The following MTUS2 variants were observed in gnomAD, a reference collection of about 807,000 sequenced individuals.
The protein encoded by MTUS2 is microtubule associated scaffold protein 2.
A neutral mutation model predicts 114.1 loss-of-function variants in MTUS2; 40 were observed. The ratio of observed to expected loss-of-function variants is 0.35; its 90% CI spans 0.27 to 0.46. The LOEUF is 0.46. MTUS2 is among the 20% of genes least tolerant of loss of function. MTUS2 has a pLI of 1.00. For missense variants in MTUS2, 1,679 were observed against 1,705.4 expected (o/e 0.98, Z 0.27); for synonymous variants, 688 against 672.0 (o/e 1.02, Z -0.37).
At chr13:29,137,357 C>CT (rs1892022588) in intron 5 of MTUS2, among the ~76,000 whole-genome samples, 1 of 152,100 alleles carries the variant, frequency 6.6e-6, no homozygotes, top group Admixed American at 6.6e-5. Flanking sequence ...CGTGCTCATC[C>CT]TATCTCCCTG....
chr13:29,063,873 A>G (rs1888533064), intron 4 of MTUS2, among the ~76,000 whole-genome samples: 1 of 152,186 alleles, frequency 6.6e-6, no homozygotes, highest in South Asian at 2.1e-4. Flanking sequence ...TTTGTATTAG[A>G]TGACTAGTTT....
chr13:28,842,113 A>G (rs1875548859), intron 2 of MTUS2, among the ~76,000 whole-genome samples: 1 of 152,186 alleles, frequency 6.6e-6, no homozygotes, highest in Non-Finnish European at 1.5e-5. Flanking sequence ...CATTCATGAG[A>G]TTTAGTGCAA....
intron 7 of MTUS2, among the ~76,000 whole-genome samples, chr13:29,345,654 A>C (rs895085795): frequency 6.6e-6 from 1 of 151,894 alleles, no homozygotes; most frequent in Non-Finnish European, 1.5e-5. Flanking sequence ...TTTTTCTGGC[A>C]ATTCAGAGAT....
At chr13:29,318,556 C>A (rs758327322) in intron 6 of MTUS2, among the ~76,000 whole-genome samples, 2 of 152,228 alleles carry the variant, frequency 1.3e-5, no homozygotes, top group South Asian at 4.2e-4. Flanking sequence ...TGAGCCATCA[C>A]TCTTGATTGG....
chr13:28,952,015 GA>G (rs1882833941), intron 2 of MTUS2, among the ~76,000 whole-genome samples: 1 of 152,038 alleles, frequency 6.6e-6, no homozygotes, highest in Admixed American at 6.5e-5. Flanking sequence ...TCTTTGTGTG[GA>G]AGTGCACCAG....
At chr13:29,113,228 G>A (rs919108783) in intron 5 of MTUS2, among the ~76,000 whole-genome samples, 38 of 152,138 alleles carry the variant, frequency 2.5e-4, no homozygotes, top group African/African-American at 6.8e-4. Context: ...GTTGAAGAGG[G>A]ATGTATGCAG....
At chr13:29,090,832 G>GCC (rs974850307) in intron 4 of MTUS2, among the ~76,000 whole-genome samples, 21 of 152,214 alleles carry the variant, frequency 1.4e-4, no homozygotes, top group African/African-American at 4.6e-4. Flanking sequence ...CTCCACTGCA[G>GCC]CCATTCCCAT....
At chr13:28,852,388 C>G (rs996881463) in intron 2 of MTUS2, among the ~76,000 whole-genome samples, 5 of 152,012 alleles carry the variant, frequency 3.3e-5, no homozygotes, top group African/African-American at 1.2e-4. Context: ...ACAGGAGGCA[C>G]TCATTAAATA....
At chr13:29,057,314 T>C (rs1888181580) in intron 4 of MTUS2, among the ~76,000 whole-genome samples, 1 of 152,138 alleles carries the variant, frequency 6.6e-6, no homozygotes, top group African/African-American at 2.4e-5. Flanking sequence ...TTAGGCCCAT[T>C]CAGTCAAATA....
At chr13:29,234,905 A>G (rs533426426) in intron 5 of MTUS2, among the ~76,000 whole-genome samples, 218 of 152,122 alleles carry the variant, frequency 1.4e-3, no homozygotes, top group African/African-American at 5.0e-3. Context: ...TTTATATACA[A>G]GTTTTTATTT....
chr13:29,099,852 C>G (rs1156270605), intron 4 of MTUS2, among the ~76,000 whole-genome samples: 1 of 152,142 alleles, frequency 6.6e-6, no homozygotes, highest in African/African-American at 2.4e-5. Flanking sequence ...TGCTGAGCGC[C>G]TTCTCATAGT....
intron 2 of MTUS2, among the ~76,000 whole-genome samples, chr13:28,941,109 C>A (rs1049851901): frequency 6.6e-6 from 1 of 151,686 alleles, no homozygotes; most frequent in Non-Finnish European, 1.5e-5. Flanking sequence ...GATCTTAACA[C>A]CTCCTCTTCA....
chr13:29,355,019 C>T (rs989793782), intron 7 of MTUS2, among the ~76,000 whole-genome samples: 2 of 152,180 alleles, frequency 1.3e-5, no homozygotes, highest in African/African-American at 4.8e-5. Flanking sequence ...AGGTCATGGG[C>T]CATCTCTGAT....
intron 2 of MTUS2, among the ~76,000 whole-genome samples, chr13:28,844,845 G>A (rs1231328869): frequency 2.0e-5 from 3 of 152,122 alleles, no homozygotes; most frequent in Non-Finnish European, 4.4e-5. Flanking sequence ...TCTCGAACTC[G>A]AGCTCAGGAG....
chr13:29,209,468 G>A (rs530957522), intron 5 of MTUS2, among the ~76,000 whole-genome samples: 57 of 150,926 alleles, frequency 3.8e-4, no homozygotes, highest in Non-Finnish European at 2.4e-4. Flanking sequence ...TCATCATGTT[G>A]GTTGTTGCCT....
intron 5 of MTUS2, among the ~76,000 whole-genome samples, chr13:29,182,587 A>T (rs1393339936): frequency 6.6e-6 from 1 of 152,216 alleles, no homozygotes; most frequent in African/African-American, 2.4e-5. Flanking sequence ...TCTTAGCTAG[A>T]TTCTTAGGAT....
chr13:29,097,467 A>G (rs140395576), intron 4 of MTUS2, among the ~76,000 whole-genome samples: 2 of 152,296 alleles, frequency 1.3e-5, no homozygotes, highest in East Asian at 1.9e-4. Context: ...AAGGCTTATT[A>G]TGCACTTGTA....
At chr13:29,271,041 G>C (rs755419462) in intron 5 of MTUS2, among the ~76,000 whole-genome samples, 72 of 152,214 alleles carry the variant, frequency 4.7e-4, no homozygotes, top group Non-Finnish European at 8.8e-4. Context: ...TAAAGTTAAA[G>C]ATATCCTCTT....
At chr13:29,266,206 T>C (rs1206602670) in intron 5 of MTUS2, among the ~76,000 whole-genome samples, 1 of 152,216 alleles carries the variant, frequency 6.6e-6, no homozygotes, top group Non-Finnish European at 1.5e-5. Flanking sequence ...AGCACTTTAC[T>C]CTAATGACTC....
Sources: gnomAD v4.1 joint callset for allele counts (sites outside exome capture counted in the v4.1 genomes callset) on GRCh38, gnomAD v4.1.1 for gene constraint, MANE v1.5 for transcripts, NCBI Gene and HGNC (gene_info 2026-07-23, HGNC 2026-07-21) for gene names.